SCN9A: variants seen among roughly 807,000 people sequenced by gnomAD.
The protein encoded by SCN9A is sodium channel protein type 9 subunit alpha.
Under a neutral mutation model 187.0 loss-of-function variants are expected in SCN9A, and 131 were observed. The ratio of observed to expected loss-of-function variants is 0.70; its 90% CI spans 0.61 to 0.81. SCN9A has a LOEUF of 0.81. Among genes scored for constraint, SCN9A ranks in the 30% least tolerant of loss-of-function variants. The pLI is 0.00. For missense variants in SCN9A, 2,252 were observed against 2,396.6 expected (o/e 0.94, Z 1.26); for synonymous variants, 809 against 808.6 (o/e 1.00, Z -0.01).
chr2:166,290,048 T>C (rs1431402510), intron 9 of SCN9A, among the ~76,000 whole-genome samples: 2 of 152,266 alleles, frequency 1.3e-5, no homozygotes, highest in South Asian at 2.1e-4. Context: ...GTAGTTGTCC[T>C]AACGTTCTCC....
At chr2:166,249,552 T>C (rs1044930293) in intron 18 of SCN9A, among the ~76,000 whole-genome samples, 2 of 152,082 alleles carry the variant, frequency 1.3e-5, no homozygotes, top group African/African-American at 2.4e-5. Flanking sequence ...AGATATATGC[T>C]CCCTCAGTAA....
rs1330317470 is a variant in SCN9A at position 166,335,457 on chromosome 2, A to G, written c.-50-23651T>C. On this transcript the variant is annotated intron_variant, in intron 1 of 26. Transcript: ENST00000642356. ...GTTTGGGGAAATGTGCAGAGTGTTT[A>G]GAGACTCAAGGACTTCCAGCTGTGT... 3.3e-5 allele frequency among the ~76,000 whole-genome samples: 5 copies of G among 152,278 alleles called. No individual in the cohort carries two copies. In the East Asian group the frequency reaches 5.8e-4, roughly 18 times the overall value.
intron 17 of SCN9A, among the ~76,000 whole-genome samples, chr2:166,257,225 G>T (rs779503265): frequency 4.0e-5 from 6 of 151,482 alleles, no homozygotes; most frequent in Non-Finnish European, 8.9e-5. Flanking sequence ...TGCTATTTAT[G>T]CCAGCTTAAA....
chr2:166,276,166 T>TA (rs952738166), intron 16 of SCN9A, among the ~76,000 whole-genome samples: 19 of 149,984 alleles, frequency 1.3e-4, no homozygotes, highest in African/African-American at 3.4e-4. Context: ...AGAAAAAAAA[T>TA]AAAAAAAAAG....
intron 1 of SCN9A, among the ~76,000 whole-genome samples, chr2:166,368,523 C>T (rs948380577): frequency 1.3e-5 from 2 of 152,132 alleles, no homozygotes; most frequent in East Asian, 1.9e-4. Context: ...ATCCCAGCTA[C>T]TTGGGAGGCT....
chr2:166,285,458 G>C (rs1697694969), intron 11 of SCN9A, among the ~76,000 whole-genome samples: 1 of 152,150 alleles, frequency 6.6e-6, no homozygotes, highest in Non-Finnish European at 1.5e-5. Flanking sequence ...AAAGAACAAA[G>C]TGGCAACTAT....
At chr2:166,311,890 G>C in intron 1 of SCN9A, 84 bp from the exon 2 acceptor site, 1 of 756,388 alleles carries the variant, frequency 1.3e-6, no homozygotes, top group Non-Finnish European at 2.0e-6. Flanking sequence ...AACATAAACA[G>C]ATTTTTAGTT....
At chr2:166,248,794 G>A (rs1320850679) in intron 18 of SCN9A, among the ~76,000 whole-genome samples, 3 of 152,046 alleles carry the variant, frequency 2.0e-5, no homozygotes, top group East Asian at 3.9e-4. Context: ...AGCCTCACAA[G>A]TAGCTGGGAT....
At chr2:166,278,392 T>C (rs1186097803) in intron 14 of SCN9A, 79 bp from the exon 15 acceptor site, 6 of 1,192,040 alleles carry the variant, frequency 5.0e-6, no homozygotes, top group Non-Finnish European at 7.0e-6. Context: ...ACTGTTTGCT[T>C]AGCATTTACT....
At chr2:166,296,044 A>T (rs1353174944) in intron 7 of SCN9A, 1 of 152,194 alleles carries the variant, frequency 6.6e-6, no homozygotes, top group East Asian at 1.9e-4. Flanking sequence ...AAATCTGATT[A>T]TTGGGAGACT....
intron 19 of SCN9A, among the ~76,000 whole-genome samples, chr2:166,239,258 T>C (rs1204183993): frequency 6.9e-6 from 1 of 145,956 alleles, no homozygotes; most frequent in Non-Finnish European, 1.5e-5. Flanking sequence ...ATTGAGACAC[T>C]GAAAATGATT....
Position 166,305,847 on chromosome 2 carries a change from A to G in SCN9A, c.541T>C (p.Phe181Leu), listed in dbSNP as rs761185751. 4 of 1,613,454 alleles carry G rather than the reference A, an allele frequency of 2.5e-6. No homozygotes were observed. In the South Asian group the frequency reaches 3.3e-5, roughly 13 times the overall value. Residue 181 changes from phenylalanine to leucine, a missense_variant, in exon 5 of 27, where the codon TTC (phenylalanine) becomes CTC (leucine). By Grantham distance (22) the Phe-to-Leu change is conservative (BLOSUM62 0). This residue lies in a region of SCN9A where 1,013 missense variants were observed against 997.4 expected (regional missense o/e 1.02). Coordinates refer to ENST00000642356, the MANE Select transcript of SCN9A (RefSeq NM_001365536.1). The stretch of plus-strand genomic sequence containing the variant: ...TTCCACGGGTCACGAAGAAAAGTGA[A>G]TTCTCCTACACAGAAGCCTCTTGCA... ...ILARGFCVGE[F>L]TFLRDPWNWL...
intron 8 of SCN9A, among the ~76,000 whole-genome samples, chr2:166,294,205 C>T (rs1393295281): frequency 6.6e-6 from 1 of 152,144 alleles, no homozygotes; most frequent in Non-Finnish European, 1.5e-5. Context: ...GACATTCAGT[C>T]ACCTATGAGT....
chr2:166,335,492 C>G (rs1045490767), intron 1 of SCN9A, among the ~76,000 whole-genome samples: 25 of 152,108 alleles, frequency 1.6e-4, no homozygotes, highest in African/African-American at 5.8e-4. Flanking sequence ...TTAGTGTGGA[C>G]ACTGGAGTAA....
intron 7 of SCN9A, among the ~76,000 whole-genome samples, chr2:166,295,207 CCAGTGTGGCTA>C (rs1209532248): frequency 2.0e-5 from 3 of 152,084 alleles, no homozygotes; most frequent in Non-Finnish European, 4.4e-5. Context: ...AGCAAGATGG[CCAGTGTGGCTA>C]CAGTGTGGTG....
intron 1 of SCN9A, among the ~76,000 whole-genome samples, chr2:166,361,809 T>C (rs939630439): frequency 1.3e-5 from 2 of 152,018 alleles, no homozygotes; most frequent in Non-Finnish European, 2.9e-5. Context: ...ATTGTTTTTT[T>C]AAAAAAATGA....
In SCN9A at chr2:166,195,587, T is replaced by A. The variant is rs1693223257; in HGVS notation, c.*3085A>T. ...TTACATATGCATTTTATTTTCACTC[T>A]TTTTAATAAAGCTATCAAAACTCTA... On this transcript the variant is annotated 3_prime_UTR_variant, in exon 27 of 27. Transcript: ENST00000642356. 1 of 152,232 alleles carries A rather than the reference T, an allele frequency of 6.6e-6. No individual in the cohort carries two copies. Among genetic ancestry groups the A allele is most frequent in the African/African-American group, 2.4e-5 (1 of 41,464 alleles). The allele number at this position is 152,232 out of a possible 1,614,324, so 9.4% of individuals were successfully genotyped here.
At chr2:166,259,213 A>G (rs1696404006) in intron 17 of SCN9A, 1 of 151,756 alleles carries the variant, frequency 6.6e-6, no homozygotes, top group South Asian at 2.1e-4. Flanking sequence ...AACCTGTGTA[A>G]AAGTGGTGAC....
chr2:166,277,604 A>G (rs1216273207), intron 15 of SCN9A: 2 of 340,624 alleles, frequency 5.9e-6, no homozygotes, highest in African/African-American at 2.1e-5. Flanking sequence ...TCTTATCATA[A>G]TTTGTGATAT....
Sources: gnomAD v4.1 joint callset for allele counts (sites outside exome capture counted in the v4.1 genomes callset) on GRCh38, gnomAD v4.1.1 for gene constraint, gnomAD v4.1.1 regional missense constraint, MANE v1.5 for transcripts, NCBI Gene and HGNC (gene_info 2026-07-23, HGNC 2026-07-21) for gene names.